PCDH15: variants seen among roughly 807,000 people sequenced by gnomAD.
The protein encoded by PCDH15 is protocadherin related 15.
In PCDH15, 129 loss-of-function variants were observed where a neutral mutation model predicts 178.5. That is an observed-to-expected ratio of 0.72 (90% CI 0.63 to 0.84). PCDH15 has a LOEUF of 0.84. PCDH15 is among the 40% of genes least tolerant of loss of function. The pLI is 0.00. For synonymous variants in PCDH15, 800 were observed against 732.0 expected (o/e 1.09, Z -1.50); for missense variants, 2,230 against 2,099.9 (o/e 1.06, Z -1.21).
intron 2 of PCDH15, among the ~76,000 whole-genome samples, chr10:54,920,523 T>C (rs1837461038): frequency 1.4e-5 from 2 of 142,740 alleles, no homozygotes; most frequent in African/African-American, 5.2e-5. Flanking sequence ...TATTAGGCGA[T>C]CAGGACATGT....
intron 3 of PCDH15, among the ~76,000 whole-genome samples, chr10:54,465,124 CTTA>C (rs749485223): frequency 1.3e-5 from 2 of 151,958 alleles, no homozygotes; most frequent in East Asian, 1.9e-4. Context: ...ATATTTCTAT[CTTA>C]TTATTGATAC....
chr10:55,214,996 T>C (rs1427582559), intron 1 of PCDH15, among the ~76,000 whole-genome samples: 1 of 152,120 alleles, frequency 6.6e-6, no homozygotes, highest in Non-Finnish European at 1.5e-5. Flanking sequence ...ATTTATTCAC[T>C]TTAATGCACT....
chr10:54,386,081 T>C (rs1028343705), intron 3 of PCDH15, among the ~76,000 whole-genome samples: 4 of 149,442 alleles, frequency 2.7e-5, no homozygotes, highest in African/African-American at 9.9e-5. Context: ...CCTACTACTT[T>C]GCTGAATTTA....
At chr10:53,827,310 A>G in intron 32 of PCDH15, 83 bp downstream of exon 32, 1 of 1,485,252 alleles carries the variant, frequency 6.7e-7, no homozygotes, top group Non-Finnish European at 9.0e-7. Context: ...AGGCATTTCC[A>G]CATCAGATTG....
intron 1 of PCDH15, among the ~76,000 whole-genome samples, chr10:55,269,911 T>C (rs1056664464): frequency 6.6e-6 from 1 of 152,088 alleles, no homozygotes; most frequent in Non-Finnish European, 1.5e-5. Flanking sequence ...CAAAACAGCA[T>C]GATACTGGTA....
intron 20 of PCDH15, among the ~76,000 whole-genome samples, chr10:54,018,546 G>T (rs941378310): frequency 1.3e-5 from 2 of 152,046 alleles, no homozygotes; most frequent in African/African-American, 4.8e-5. Context: ...TACTGGCAAA[G>T]ATTAAGTGAA....
At chr10:55,597,424 C>T (rs903692112) in intron 2 of PCDH15, among the ~76,000 whole-genome samples, 2 of 152,090 alleles carry the variant, frequency 1.3e-5, no homozygotes, top group African/African-American at 4.8e-5. Flanking sequence ...AAACAAGATA[C>T]TTAAATTGAA....
At chr10:55,332,011 A>G (rs964651233) in intron 2 of PCDH15, among the ~76,000 whole-genome samples, 2 of 152,158 alleles carry the variant, frequency 1.3e-5, no homozygotes, top group African/African-American at 4.8e-5. Context: ...ATTTACAGTC[A>G]CTACAAGGGA....
intron 3 of PCDH15, among the ~76,000 whole-genome samples, chr10:54,443,155 C>T (rs1443799749): frequency 6.6e-6 from 1 of 151,622 alleles, no homozygotes. Flanking sequence ...GTGTTTCCAG[C>T]CTTTATGAAA....
At chr10:53,882,555 G>T (rs932667447) in intron 26 of PCDH15, among the ~76,000 whole-genome samples, 27 of 152,074 alleles carry the variant, frequency 1.8e-4, no homozygotes, top group African/African-American at 6.3e-4. Context: ...GGAGATGGGG[G>T]TTTCATCATG....
At chr10:54,510,090 T>C (rs144327129) in intron 3 of PCDH15, among the ~76,000 whole-genome samples, 3 of 152,316 alleles carry the variant, frequency 2.0e-5, no homozygotes, top group African/African-American at 7.2e-5. Flanking sequence ...TTGCTCCTTG[T>C]TCCATTGGTT....
rs118090179 is a variant in PCDH15 at position 55,376,696 on chromosome 10, G to A, written c.-155-210045C>T. Among the ~76,000 whole-genome samples the A allele has an allele frequency of 3.3e-5, 5 of 152,036 alleles. No individual in the cohort carries two copies. The East Asian group carries it at 9.7e-4, about 29-fold the overall frequency. On this transcript the variant is annotated intron_variant, in intron 2 of 5. Transcript: ENST00000613346. ...AGCTTCAAGATTGCAAATTAGTTCA[G>A]GACTTTCAGATTTTACTGTTGTTCT...
At chr10:55,465,002 C>T (rs1317521134) in intron 2 of PCDH15, among the ~76,000 whole-genome samples, 1 of 151,702 alleles carries the variant, frequency 6.6e-6, no homozygotes, top group Non-Finnish European at 1.5e-5. Flanking sequence ...AAACTAGTGC[C>T]GGGTAAATGC....
chr10:54,825,914 A>G (rs1258077792), intron 3 of PCDH15, among the ~76,000 whole-genome samples: 1 of 152,114 alleles, frequency 6.6e-6, no homozygotes, highest in Non-Finnish European at 1.5e-5. Context: ...CATATTCTCA[A>G]TAATATATTT....
chr10:55,454,176 C>T (rs1839497450), intron 2 of PCDH15, among the ~76,000 whole-genome samples: 3 of 151,988 alleles, frequency 2.0e-5, no homozygotes, highest in Admixed American at 2.0e-4. Context: ...TTCTGATAAT[C>T]TAATACTAAA....
chr10:55,220,515 A>G (rs1207393683), intron 1 of PCDH15, among the ~76,000 whole-genome samples: 1 of 152,084 alleles, frequency 6.6e-6, no homozygotes, highest in African/African-American at 2.4e-5. Context: ...GTATACTTAC[A>G]CAAGCCCAGG....
chr10:55,419,594 C>T (rs1181952424), intron 2 of PCDH15, among the ~76,000 whole-genome samples: 1 of 151,758 alleles, frequency 6.6e-6, no homozygotes, highest in Admixed American at 6.6e-5. Flanking sequence ...GATATTCTCA[C>T]AATAGTGGTT....
At chr10:54,171,104 C>T (rs1425672997) in intron 13 of PCDH15, among the ~76,000 whole-genome samples, 1 of 152,124 alleles carries the variant, frequency 6.6e-6, no homozygotes, top group Non-Finnish European at 1.5e-5. Flanking sequence ...GCATTTCTTC[C>T]CTTCTGTCAG....
At chr10:55,341,801 ATATATTTTTTTTT>A (rs1439250073) in intron 2 of PCDH15, among the ~76,000 whole-genome samples, 1 of 11,386 alleles carries the variant, frequency 8.8e-5, no homozygotes, top group Non-Finnish European at 1.6e-4. Flanking sequence ...ATATATATAT[ATATATTTTTTTTT>A]TTTTTTTTTT....
Sources: gnomAD v4.1 joint callset for allele counts (sites outside exome capture counted in the v4.1 genomes callset) on GRCh38, gnomAD v4.1.1 for gene constraint, MANE v1.5 for transcripts, NCBI Gene and HGNC (gene_info 2026-07-23, HGNC 2026-07-21) for gene names.